Variants in ITGBL1 observed in about 807,000 individuals in gnomAD.
ITGBL1 encodes the protein integrin subunit beta like 1, also known as integrin beta-like protein 1.
A neutral mutation model predicts 68.5 loss-of-function variants in ITGBL1; 51 were observed. That is an observed-to-expected ratio of 0.74 (90% CI 0.59 to 0.94). The LOEUF (loss-of-function observed/expected upper bound fraction) is 0.94. Ranked by LOEUF, ITGBL1 falls within the 40% of genes least tolerant of loss-of-function variation. The pLI, the probability that ITGBL1 is intolerant of heterozygous loss-of-function variation, is 0.00. For missense variants in ITGBL1, 649 were observed against 647.4 expected (o/e 1.00, Z -0.03); for synonymous variants, 209 against 227.3 (o/e 0.92, Z 0.72).
At chr13:101,698,812 T>G (rs2034065147) in intron 8 of ITGBL1, among the ~76,000 whole-genome samples, 2 of 152,202 alleles carry the variant, frequency 1.3e-5, no homozygotes, top group South Asian at 4.1e-4. Context: ...ATAAGTTAAA[T>G]CAGAGACTTC....
At chr13:101,598,697 G>A (rs918392575) in intron 7 of ITGBL1, among the ~76,000 whole-genome samples, 6 of 151,894 alleles carry the variant, frequency 4.0e-5, no homozygotes, top group African/African-American at 9.7e-5. Context: ...TTGGTTTTTT[G>A]TCCTTGCAAT....
At chr13:101,544,003 C>T (rs918050556) in intron 2 of ITGBL1, among the ~76,000 whole-genome samples, 1 of 152,170 alleles carries the variant, frequency 6.6e-6, no homozygotes, top group South Asian at 2.1e-4. Context: ...TTCGAACTTC[C>T]TCCTTTAGCT....
intron 7 of ITGBL1, among the ~76,000 whole-genome samples, chr13:101,609,731 A>G (rs572159241): frequency 2.4e-4 from 36 of 152,178 alleles, no homozygotes; most frequent in Non-Finnish European, 4.6e-4. Context: ...GTAGAAAATA[A>G]TTCAGTGGAA....
chr13:101,628,394 C>G (rs1413003964), intron 7 of ITGBL1, among the ~76,000 whole-genome samples: 1 of 149,978 alleles, frequency 6.7e-6, no homozygotes, highest in Non-Finnish European at 1.5e-5. Flanking sequence ...TATGACTTAT[C>G]TTTTTGTTCT....
chr13:101,689,862 T>C (rs933221451), intron 7 of ITGBL1, among the ~76,000 whole-genome samples: 8 of 152,174 alleles, frequency 5.3e-5, no homozygotes, highest in African/African-American at 7.2e-5. Flanking sequence ...TTACAAATAA[T>C]TCAGTTACAC....
intron 2 of ITGBL1, among the ~76,000 whole-genome samples, chr13:101,520,530 G>GT (rs1273271584): frequency 6.6e-6 from 1 of 152,118 alleles, no homozygotes; most frequent in Admixed American, 6.6e-5. Context: ...GCCAAGTCAT[G>GT]TATCAGCTTC....
chr13:101,521,172 G>T (rs147449195), intron 2 of ITGBL1, among the ~76,000 whole-genome samples: 75 of 152,266 alleles, frequency 4.9e-4, no homozygotes, highest in Admixed American at 2.2e-3. Flanking sequence ...TAGATTCTGA[G>T]ATAATATTGG....
Position 101,684,889 on chromosome 13 carries a change from G to A in ITGBL1, c.1016-7696G>A, listed in dbSNP as rs561073983. On this transcript the variant is annotated intron_variant, in intron 7 of 10. Transcript: ENST00000376180. ...CTTCCTCTTTCTTCCTTTTTCACTA[G>A]TAAAACACTTTATTTACTATAGTTA... Among the ~76,000 whole-genome samples the A allele has an allele frequency of 9.6e-4, 145 of 151,658 alleles. 1 individual carries two copies. In the Middle Eastern group the frequency reaches 0.01, roughly 11 times the overall value.
intron 7 of ITGBL1, among the ~76,000 whole-genome samples, chr13:101,605,016 ATG>A (rs1178335519): frequency 2.2e-5 from 3 of 136,162 alleles, no homozygotes; most frequent in South Asian, 2.2e-4. Context: ...ATATGCGTAT[ATG>A]TGTATATGTA....
chr13:101,646,179 A>G (rs1005110738), intron 7 of ITGBL1, among the ~76,000 whole-genome samples: 49 of 152,176 alleles, frequency 3.2e-4, no homozygotes, highest in South Asian at 8.3e-4. Flanking sequence ...TTTTGAGGAC[A>G]GTATGCTTCT....
intron 2 of ITGBL1, among the ~76,000 whole-genome samples, chr13:101,547,161 C>CTTAG (rs5806229): frequency 0.79 from 119,537 of 150,998 alleles, 47,316 homozygotes; most frequent in African/African-American, 0.82. Flanking sequence ...TGTTTATTGA[C>CTTAG]TTAGCACTTT....
At chr13:101,668,031 G>T (rs1190524370) in intron 7 of ITGBL1, among the ~76,000 whole-genome samples, 2 of 152,092 alleles carry the variant, frequency 1.3e-5, no homozygotes, top group East Asian at 1.9e-4. Flanking sequence ...TTTGTTGCCT[G>T]GGTTTGCTGG....
downstream of ITGBL1, chr13:101,718,833 G>A (rs142123330): frequency 6.6e-6 from 1 of 151,398 alleles, no homozygotes; most frequent in Non-Finnish European, 1.5e-5. Flanking sequence ...AGACTCAACT[G>A]TCAACACTTT....
chr13:101,666,169 C>A lies in ITGBL1; in HGVS notation c.1016-26416C>A, dbSNP rs1041006992. ...TATTAAGACTGACATAATCTGGTAT[C>A]AAGAAATGGGACAGAAGTAAGCTCA... On this transcript the variant is annotated intron_variant, in intron 7 of 10. Transcript: ENST00000376180. Among the ~76,000 whole-genome samples, 4 of 152,064 alleles carry A rather than the reference C, an allele frequency of 2.6e-5. No individual in the cohort carries two copies. The South Asian group carries it at 8.3e-4, about 32-fold the overall frequency.
chr13:101,500,882 G>A (rs2048930638), intron 2 of ITGBL1, among the ~76,000 whole-genome samples: 1 of 152,100 alleles, frequency 6.6e-6, no homozygotes, highest in East Asian at 1.9e-4. Context: ...AACCATTTCA[G>A]GACAAAAGCA....
At chr13:101,464,963 A>G (rs2048364093) in intron 2 of ITGBL1, among the ~76,000 whole-genome samples, 1 of 152,216 alleles carries the variant, frequency 6.6e-6, no homozygotes, top group Non-Finnish European at 1.5e-5. Context: ...CTAGAAATCA[A>G]TATCTCATTG....
intron 7 of ITGBL1, among the ~76,000 whole-genome samples, chr13:101,660,741 G>T (rs1402905441): frequency 6.6e-6 from 1 of 152,172 alleles, no homozygotes; most frequent in African/African-American, 2.4e-5. Context: ...CTAGAAGCAA[G>T]ATGGACTCAA....
rs1400277010 is a variant in ITGBL1 at position 101,523,635 on chromosome 13, C to G, written c.317-44064C>G. 9.2e-5 allele frequency among the ~76,000 whole-genome samples: 14 copies of G among 152,232 alleles called. No homozygotes were observed. The East Asian group carries it at 2.7e-3, about 29-fold the overall frequency. Reference sequence around the variant, plus strand: ...GTCAAAACTAAAGATGTTGCTTATTCACTAGAGGAGTTTATGTTGTTCACA... The same window carrying G: ...GTCAAAACTAAAGATGTTGCTTATTGACTAGAGGAGTTTATGTTGTTCACA... On this transcript the variant is annotated intron_variant, in intron 2 of 10. Coordinates refer to ENST00000376180, the MANE Select transcript of ITGBL1 (RefSeq NM_004791.3).
chr13:101,660,060 A>G (rs183975019), intron 7 of ITGBL1, among the ~76,000 whole-genome samples: 108 of 152,298 alleles, frequency 7.1e-4, no homozygotes, highest in African/African-American at 2.4e-3. Context: ...CCTCCACCCT[A>G]TAGATGCCAG....
Sources: gnomAD v4.1 joint callset for allele counts (sites outside exome capture counted in the v4.1 genomes callset) on GRCh38, gnomAD v4.1.1 for gene constraint, MANE v1.5 for transcripts, NCBI Gene and HGNC (gene_info 2026-07-23, HGNC 2026-07-21) for gene names.